BMERB1: variants seen among roughly 807,000 people sequenced by gnomAD.
The protein encoded by BMERB1 is bMERB domain-containing protein 1.
BMERB1 carries 12 observed loss-of-function variants against 23.6 expected under a neutral mutation model. The observed-to-expected ratio is 0.51, with a 90% confidence interval of 0.33 to 0.82. The LOEUF (loss-of-function observed/expected upper bound fraction) is 0.82, where lower values mean the gene tolerates loss of function less well. Ranked by LOEUF, BMERB1 falls within the 40% of genes least tolerant of loss-of-function variation. BMERB1 has a pLI of 0.03. For synonymous variants in BMERB1, 122 were observed against 96.6 expected, an observed-to-expected ratio of 1.26 and a Z score of -1.54; for missense variants, 247 against 255.4, an observed-to-expected ratio of 0.97 and a Z score of 0.22.
chr16:15,469,598 G>A (rs1404098559), intron 1 of BMERB1, among the ~76,000 whole-genome samples: 6 of 152,176 alleles, frequency 3.9e-5, no homozygotes, highest in African/African-American at 1.4e-4. Context: ...TCTTTACTAT[G>A]TGGAGTTTGC....
At chr16:15,552,249 C>T (rs535973586) in intron 2 of BMERB1, among the ~76,000 whole-genome samples, 4 of 151,940 alleles carry the variant, frequency 2.6e-5, no homozygotes, top group Admixed American at 1.3e-4. Context: ...AGACCAGCCT[C>T]GTCAACATGG....
At chr16:15,442,296 C>T (rs1368143571) in intron 1 of BMERB1, among the ~76,000 whole-genome samples, 1 of 150,852 alleles carries the variant, frequency 6.6e-6, no homozygotes, top group African/African-American at 2.4e-5. Flanking sequence ...CACCATTGCA[C>T]TCCAGCCTGG....
At chr16:15,509,773 G>C (rs948203157) in intron 1 of BMERB1, among the ~76,000 whole-genome samples, 1 of 152,198 alleles carries the variant, frequency 6.6e-6, no homozygotes, top group Non-Finnish European at 1.5e-5. Flanking sequence ...CAAGGCTGTG[G>C]CCATTCATTC....
chr16:15,482,103 A>G (rs2150935701), intron 1 of BMERB1, among the ~76,000 whole-genome samples: 1 of 152,214 alleles, frequency 6.6e-6, no homozygotes, highest in African/African-American at 2.4e-5. Context: ...GTTTCCTGGC[A>G]GGATAGGGTC....
rs35873574 is a variant in BMERB1, at chr16:15,470,825, C to CTT, written c.106+36093_106+36094dup. 7.6e-3 allele frequency among the ~76,000 whole-genome samples: 376 copies of CTT among 49,406 alleles called. 40 individuals are homozygous for CTT. Among genetic ancestry groups the CTT allele is most frequent in the Non-Finnish European group, 0.011 (297 of 25,906 alleles). 32.4% of individuals were successfully genotyped at this position (49,406 alleles called of 152,430 possible). ...AGGCATGAGCCACCGCACCTGGCCT[C>CTT]TTTTTTTTTTTTTTTTTTTTTTTTT... On this transcript the variant is annotated intron_variant, in intron 1 of 5. Transcript: ENST00000300006.
intron 1 of BMERB1, among the ~76,000 whole-genome samples, chr16:15,467,107 G>C (rs1441473797): frequency 6.6e-6 from 1 of 152,082 alleles, no homozygotes; most frequent in Non-Finnish European, 1.5e-5. Flanking sequence ...AGGACATCTG[G>C]ATTATTTCCA....
intron 1 of BMERB1, 72 bp downstream of exon 1, chr16:15,434,831 G>C: frequency 7.4e-7 from 1 of 1,351,988 alleles, no homozygotes; most frequent in Non-Finnish European, 1.0e-6. Context: ...GTGGTCGCGG[G>C]AGCGCGAGGA....
intron 2 of BMERB1, among the ~76,000 whole-genome samples, chr16:15,559,314 G>A (rs1417859805): frequency 6.6e-6 from 1 of 152,202 alleles, no homozygotes; most frequent in Non-Finnish European, 1.5e-5. Flanking sequence ...GGCAGGGCAG[G>A]TTGCCTCCTG....
intron 2 of BMERB1, among the ~76,000 whole-genome samples, chr16:15,525,423 G>T (rs2051896376): frequency 6.6e-6 from 1 of 152,016 alleles, no homozygotes. Flanking sequence ...CTTTTTCCAG[G>T]CCAGGTGCAG....
At chr16:15,586,232 A>T (rs1191888386) in intron 5 of BMERB1, among the ~76,000 whole-genome samples, 2 of 152,212 alleles carry the variant, frequency 1.3e-5, no homozygotes, top group African/African-American at 4.8e-5. Flanking sequence ...CCGAGAGGAT[A>T]GAGTGAGAAG....
At chr16:15,459,586 A>G (rs998144110) in intron 1 of BMERB1, among the ~76,000 whole-genome samples, 1 of 152,192 alleles carries the variant, frequency 6.6e-6, no homozygotes, top group African/African-American at 2.4e-5. Flanking sequence ...TATGTGTCCA[A>G]TAACAAGAGT....
At chr16:15,584,989 G>A (rs1287811949) in intron 5 of BMERB1, among the ~76,000 whole-genome samples, 2 of 152,204 alleles carry the variant, frequency 1.3e-5, no homozygotes, top group African/African-American at 4.8e-5. Flanking sequence ...GACATGAGCT[G>A]TTAGAGGAAG....
chr16:15,548,034 G>C (rs181127002), intron 2 of BMERB1, among the ~76,000 whole-genome samples: 1 of 152,314 alleles, frequency 6.6e-6, no homozygotes, highest in Non-Finnish European at 1.5e-5. Flanking sequence ...GCCCGGGCTG[G>C]AGCGCAGTGG....
At chr16:15,473,217 T>C (rs1197447010) in intron 1 of BMERB1, among the ~76,000 whole-genome samples, 2 of 151,920 alleles carry the variant, frequency 1.3e-5, no homozygotes, top group African/African-American at 4.8e-5. Context: ...AGTACCCAAA[T>C]AAGATAAAAC....
chr16:15,517,944 G>C (rs866385336), intron 2 of BMERB1, among the ~76,000 whole-genome samples: 3 of 144,686 alleles, frequency 2.1e-5, no homozygotes, highest in Non-Finnish European at 3.1e-5. Flanking sequence ...TGCATGTGTG[G>C]GTGTGTGTGT....
intron 1 of BMERB1, among the ~76,000 whole-genome samples, chr16:15,490,555 T>A (rs1257775775): frequency 6.6e-6 from 1 of 152,156 alleles, no homozygotes; most frequent in East Asian, 1.9e-4. Flanking sequence ...AGTTTTGGGA[T>A]TACAGGCATG....
chr16:15,479,415 G>C (rs553050622), intron 1 of BMERB1, among the ~76,000 whole-genome samples: 2 of 152,334 alleles, frequency 1.3e-5, no homozygotes, highest in East Asian at 3.9e-4. Flanking sequence ...TCATGTAACA[G>C]AGTATGAATT....
chr16:15,505,252 GTAC>G lies in BMERB1; in HGVS notation c.107-10051_107-10049del, dbSNP rs1456173077. On this transcript the variant is annotated intron_variant, in intron 1 of 5. Transcript: ENST00000300006. ...GGGGATGGGATAGGTACCCCCAGTG[GTAC>G]TTTCATGCTTGTACCATCAAACAGC... is the stretch of plus-strand genomic sequence containing the variant. Among the ~76,000 whole-genome samples the G allele has an allele frequency of 2.8e-4, 42 of 152,148 alleles. 1 individual carries two copies. Among genetic ancestry groups the G allele is most frequent in the Admixed American group, 2.8e-3 (42 of 15,272 alleles).
At chr16:15,528,744 A>G (rs1337520230) in intron 2 of BMERB1, among the ~76,000 whole-genome samples, 1 of 151,682 alleles carries the variant, frequency 6.6e-6, no homozygotes, top group Admixed American at 6.6e-5. Context: ...GAATGTTTGT[A>G]TCACCCCTAA....
Sources: gnomAD v4.1 joint callset for allele counts (sites outside exome capture counted in the v4.1 genomes callset) on GRCh38, gnomAD v4.1.1 for gene constraint, MANE v1.5 for transcripts, NCBI Gene and HGNC (gene_info 2026-07-23, HGNC 2026-07-21) for gene names.